Variants in PARD6G observed in about 807,000 individuals in gnomAD.
The protein encoded by PARD6G is par-6 family cell polarity regulator gamma, also known as partitioning defective 6 homolog gamma.
PARD6G carries 7 observed loss-of-function variants against 10.7 expected under a neutral mutation model. That is an observed-to-expected ratio of 0.66 (90% CI 0.37 to 1.23). The LOEUF (loss-of-function observed/expected upper bound fraction) is 1.23, where lower values mean the gene tolerates loss of function less well. PARD6G is among the 50% of genes most tolerant of loss of function. The pLI is 0.02. For missense variants in PARD6G, 548 were observed against 571.8 expected (o/e 0.96, Z 0.42); for synonymous variants, 287 against 269.4 (o/e 1.07, Z -0.64).
At chr18:80,198,123 T>TGAGAGAACGTCCG (rs1200397886) in intron 2 of PARD6G, among the ~76,000 whole-genome samples, 7 of 152,300 alleles carry the variant, frequency 4.6e-5, no homozygotes, top group Admixed American at 1.3e-4. Context: ...ATGTAGTCGT[T>TGAGAGAACGTCCG]GAGAGAACGT....
At chr18:80,204,705 T>C (rs1967039437) in intron 1 of PARD6G, among the ~76,000 whole-genome samples, 1 of 151,588 alleles carries the variant, frequency 6.6e-6, no homozygotes, top group Non-Finnish European at 1.5e-5. Context: ...TCCCAGCAGT[T>C]TGGGAGGCCA....
At chr18:80,186,310 T>A (rs558268819) in intron 2 of PARD6G, among the ~76,000 whole-genome samples, 1 of 131,610 alleles carries the variant, frequency 7.6e-6, no homozygotes, top group East Asian at 2.5e-4. Flanking sequence ...CATGCACACA[T>A]GCACCCTCAC....
At chr18:80,190,260 C>T (rs1966885376) in intron 2 of PARD6G, among the ~76,000 whole-genome samples, 1 of 61,250 alleles carries the variant, frequency 1.6e-5, no homozygotes, top group Admixed American at 1.8e-4. Flanking sequence ...AGAAGCTGTC[C>T]TGTGCACCGG....
intron 1 of PARD6G, among the ~76,000 whole-genome samples, chr18:80,213,318 G>C (rs904378858): frequency 6.6e-6 from 1 of 152,170 alleles, no homozygotes; most frequent in African/African-American, 2.4e-5. Flanking sequence ...GCAGGGCTTT[G>C]TGCATGGCCA....
At chr18:80,204,519 T>C (rs1189530560) in intron 1 of PARD6G, among the ~76,000 whole-genome samples, 5 of 152,020 alleles carry the variant, frequency 3.3e-5, no homozygotes, top group Non-Finnish European at 7.4e-5. Context: ...ACAAATCTCC[T>C]TTTCTACCTC....
At position 80,184,876 on chromosome 18, in the gene PARD6G, T is replaced by G. The variant is rs1245365247; in HGVS notation, c.295+17834A>C. 2 of 152,130 alleles carry G rather than the reference T, an allele frequency of 1.3e-5. No individual in the cohort carries two copies. Among genetic ancestry groups the G allele is most frequent in the Non-Finnish European group, 2.9e-5 (2 of 68,032 alleles). 9.4% of individuals were successfully genotyped at this position (152,130 alleles called of 1,614,324 possible). A position where few individuals can be genotyped will look rare whatever the true frequency, so the allele number is the denominator to read the frequency against. On this transcript the variant is annotated intron_variant, in intron 2 of 2. Transcript: ENST00000353265. The surrounding 1 kb of genome is among the most constrained non-coding windows in gnomAD (Gnocchi z 4.5). ...TCTAAACTGACTATGGCTGCACAAC[T>G]CTGTGAACACACTAAAAACACTGGC...
At chr18:80,232,846 A>G (rs2145302851) in intron 1 of PARD6G, among the ~76,000 whole-genome samples, 1 of 152,326 alleles carries the variant, frequency 6.6e-6, no homozygotes, top group African/African-American at 2.4e-5. Flanking sequence ...GAAGCAGCCC[A>G]TCCCTGAGTG....
At position 80,247,293 on chromosome 18, in the gene PARD6G, A is replaced by G; in HGVS notation, c.56T>C (p.Val19Ala). The G allele has an allele frequency of 6.3e-7, 1 of 1,582,050 alleles. No individual in the cohort carries two copies. The highest frequency in any genetic ancestry group is 8.6e-7 in the Non-Finnish European group (1 of 1,165,056). Reference protein sequence around the residue: ...QTLRFYDCSAVEVKSKFGAEF... With the variant: ...QTLRFYDCSAAEVKSKFGAEF... Reference sequence around the variant, plus strand: ...GGGGCTTACCTTGCTCTTGACTTCCACTGCGCTGCAATCGTAGAATCGCAA... The same window carrying G: ...GGGGCTTACCTTGCTCTTGACTTCCGCTGCGCTGCAATCGTAGAATCGCAA... The change falls in exon 1 of 3, where the codon GTG (valine) becomes GCG (alanine). Residue 19 changes from valine (V) to alanine (A), a missense_variant. Val to Ala is a moderately conservative substitution (Grantham distance 64, BLOSUM62 0). Coordinates refer to ENST00000353265, the MANE Select transcript of PARD6G (RefSeq NM_032510.4). The surrounding 1 kb of genome is among the most constrained non-coding windows in gnomAD (Gnocchi z 4.2).
At chr18:80,217,359 C>T (rs1359276143) in intron 1 of PARD6G, among the ~76,000 whole-genome samples, 1 of 152,092 alleles carries the variant, frequency 6.6e-6, no homozygotes, top group African/African-American at 2.4e-5. Context: ...GGATGTAGAG[C>T]ATAACTTCCC....
At chr18:80,243,319 G>C (rs949928739) in intron 1 of PARD6G, among the ~76,000 whole-genome samples, 5 of 152,142 alleles carry the variant, frequency 3.3e-5, no homozygotes, top group African/African-American at 1.2e-4. Flanking sequence ...TACATGATAA[G>C]TTAGAGGGGA....
At position 80,159,936 on chromosome 18, in the gene PARD6G, G is replaced by A. The variant is rs1351680421; in HGVS notation, c.966C>T (p.Ser322=). The change falls in exon 3 of 3, where the codon AGC becomes AGT. Residue 322 remains serine (S), a synonymous_variant. Transcript: ENST00000353265. Reference sequence around the variant, plus strand: ...GGCCCGCGCCATTGACCCGGGAGAGGCTGCCTGCGGGCGCGCCCGGGGTCT... The same window carrying A: ...GGCCCGCGCCATTGACCCGGGAGAGACTGCCTGCGGGCGCGCCCGGGGTCT... ...PPQTPGAPAG[S]LSRVNGAGLA... is the part of the protein sequence containing the mutation. 44 of 1,507,182 alleles carry A rather than the reference G, an allele frequency of 2.9e-5. No individual in the cohort carries two copies. Among genetic ancestry groups the A allele is most frequent in the Non-Finnish European group, 3.7e-5 (42 of 1,136,160 alleles). The allele number at this position is 1,507,182 out of a possible 1,614,324, so 93.4% of individuals were successfully genotyped here.
At chr18:80,178,783 C>T (rs1323889560) in intron 2 of PARD6G, among the ~76,000 whole-genome samples, 1 of 152,044 alleles carries the variant, frequency 6.6e-6, no homozygotes. Context: ...GGCAGATGGA[C>T]ACATGCCGAC....
chr18:80,204,038 A>C (rs1967033602), intron 1 of PARD6G, among the ~76,000 whole-genome samples: 1 of 152,060 alleles, frequency 6.6e-6, no homozygotes, highest in Non-Finnish European at 1.5e-5. Context: ...GATGCCCATG[A>C]GCTGCCCGCA....
At chr18:80,196,129 T>C (rs1373264313) in intron 2 of PARD6G, among the ~76,000 whole-genome samples, 1 of 152,246 alleles carries the variant, frequency 6.6e-6, no homozygotes, top group African/African-American at 2.4e-5. Context: ...GACTTGGTTA[T>C]ACTTTGTTAG....
At chr18:80,236,367 T>C (rs1967422559) in intron 1 of PARD6G, among the ~76,000 whole-genome samples, 2 of 152,182 alleles carry the variant, frequency 1.3e-5, no homozygotes, top group Non-Finnish European at 2.9e-5. Flanking sequence ...TAATAAGAGC[T>C]ATCTATGACA....
intron 1 of PARD6G, among the ~76,000 whole-genome samples, chr18:80,207,539 T>G (rs1967065526): frequency 6.6e-6 from 1 of 152,242 alleles, no homozygotes; most frequent in South Asian, 2.1e-4. Flanking sequence ...CAATCACCAT[T>G]TGATAATACT....
chr18:80,186,214 A>G (rs1451800503), intron 2 of PARD6G, among the ~76,000 whole-genome samples: 1 of 142,032 alleles, frequency 7.0e-6, no homozygotes, highest in Non-Finnish European at 1.5e-5. Context: ...ATACCCTCAC[A>G]TATGCTTGCA....
intron 2 of PARD6G, chr18:80,202,033 C>T (rs1053371091): frequency 2.6e-5 from 4 of 152,360 alleles, no homozygotes; most frequent in African/African-American, 4.8e-5. Flanking sequence ...ACCGTGGGGC[C>T]GCCCAAAGGA....
intron 1 of PARD6G, among the ~76,000 whole-genome samples, chr18:80,217,288 C>A (rs1039831430): frequency 1.3e-5 from 2 of 152,152 alleles, no homozygotes; most frequent in Non-Finnish European, 2.9e-5. Context: ...GGAGAGTAGA[C>A]AGGTCTACCA....
Sources: gnomAD v4.1 joint callset for allele counts (sites outside exome capture counted in the v4.1 genomes callset) on GRCh38, gnomAD v4.1.1 for gene constraint, Gnocchi (gnomAD v3.1) non-coding constraint, MANE v1.5 for transcripts, NCBI Gene and HGNC (gene_info 2026-07-23, HGNC 2026-07-21) for gene names.